The following DPP10 variants were observed in gnomAD, a reference collection of about 807,000 sequenced individuals.
DPP10 encodes the protein dipeptidyl peptidase like 10.
In DPP10, 33 loss-of-function variants were observed where a neutral mutation model predicts 120.9. The observed-to-expected ratio is 0.27, with a 90% CI of 0.21 to 0.37. The LOEUF (loss-of-function observed/expected upper bound fraction) is 0.37, where lower values mean the gene tolerates loss of function less well. DPP10 is among the 10% of genes least tolerant of loss of function. DPP10 has a pLI of 1.00. For missense variants in DPP10, 816 were observed against 942.8 expected, an observed-to-expected ratio of 0.87 and a Z score of 1.76; for synonymous variants, 337 against 326.1, an observed-to-expected ratio of 1.03 and a Z score of -0.36.
At chr2:114,547,669 G>A (rs971264927) in intron 1 of DPP10, among the ~76,000 whole-genome samples, 1 of 152,150 alleles carries the variant, frequency 6.6e-6, no homozygotes, top group Non-Finnish European at 1.5e-5. Flanking sequence ...GTGTGGATGT[G>A]TACTTATGCA....
chr2:115,135,103 C>T (rs1160796985), intron 1 of DPP10, among the ~76,000 whole-genome samples: 1 of 151,914 alleles, frequency 6.6e-6, no homozygotes, highest in African/African-American at 2.4e-5. Context: ...CAGGCAGGTA[C>T]TAAACTGATC....
At chr2:115,348,913 C>T (rs2063849553) in intron 3 of DPP10, among the ~76,000 whole-genome samples, 1 of 152,022 alleles carries the variant, frequency 6.6e-6, no homozygotes, top group Non-Finnish European at 1.5e-5. Flanking sequence ...AATGTGTACC[C>T]ACAATTAAAC....
chr2:114,831,494 A>G (rs1023279644), intron 1 of DPP10, among the ~76,000 whole-genome samples: 2 of 152,176 alleles, frequency 1.3e-5, no homozygotes, highest in Admixed American at 6.5e-5. Flanking sequence ...TTTGTCTTTT[A>G]TGGCAAAGAA....
chr2:115,118,072 AG>A (rs2049616828), intron 1 of DPP10, among the ~76,000 whole-genome samples: 1 of 152,214 alleles, frequency 6.6e-6, no homozygotes, highest in Non-Finnish European at 1.5e-5. Flanking sequence ...CCCTTCTCTG[AG>A]ATGGGTTCCA....
At chr2:114,891,426 A>G (rs911406513) in intron 1 of DPP10, among the ~76,000 whole-genome samples, 3 of 152,232 alleles carry the variant, frequency 2.0e-5, no homozygotes, top group African/African-American at 7.2e-5. Context: ...GATGTGACAT[A>G]CAGGTGTTAA....
chr2:115,672,656 CTT>C (rs1374574890), intron 5 of DPP10, among the ~76,000 whole-genome samples: 2 of 123,726 alleles, frequency 1.6e-5, no homozygotes, highest in South Asian at 2.7e-4. Context: ...CTCTCTCTTT[CTT>C]TCTTTCTTTC....
chr2:114,813,716 ATTT>A lies in DPP10; in HGVS notation c.60+370890_60+370892del, dbSNP rs35714406. ...AGAAGCATTATGTCTATGGAATTAAATTTTTTTTTTTTTTCACTGTACAGTTTT... is the reference window on the plus strand; with the variant it reads ...AGAAGCATTATGTCTATGGAATTAAATTTTTTTTTTTCACTGTACAGTTTT... On this transcript the variant is annotated intron_variant, in intron 1 of 25. Transcript: ENST00000410059. Among the ~76,000 whole-genome samples, 345 of 128,020 alleles carry A rather than the reference ATTT, an allele frequency of 2.7e-3. 1 individual carries two copies. Among genetic ancestry groups the A allele is most frequent in the African/African-American group, 9.3e-3 (320 of 34,256 alleles). The allele number at this position is 128,020 out of a possible 152,430, so 84.0% of individuals were successfully genotyped here. A position where few individuals can be genotyped will look rare whatever the true frequency, so the allele number is the denominator to read the frequency against.
chr2:115,311,261 AACATTGCAGT>A (rs1241348514), intron 2 of DPP10, among the ~76,000 whole-genome samples: 2 of 152,150 alleles, frequency 1.3e-5, no homozygotes, highest in Non-Finnish European at 2.9e-5. Flanking sequence ...ATTTAGTTCC[AACATTGCAGT>A]GTTATTATGG....
intron 1 of DPP10, among the ~76,000 whole-genome samples, chr2:115,189,490 G>C (rs1191966325): frequency 3.3e-5 from 5 of 152,290 alleles, no homozygotes; most frequent in East Asian, 3.9e-4. Flanking sequence ...GAACCAGGAA[G>C]TTAAACTTTA....
intron 1 of DPP10, among the ~76,000 whole-genome samples, chr2:115,082,999 T>G (rs1438939699): frequency 6.6e-6 from 1 of 152,246 alleles, no homozygotes; most frequent in Non-Finnish European, 1.5e-5. Flanking sequence ...TCAGTCCTTA[T>G]CTAATGAGAC....
intron 1 of DPP10, among the ~76,000 whole-genome samples, chr2:115,177,793 T>C (rs2053799819): frequency 7.0e-6 from 1 of 142,308 alleles, no homozygotes; most frequent in Non-Finnish European, 1.6e-5. Context: ...AGACAGAGTC[T>C]TGCTCTGTGG....
chr2:114,873,361 T>A (rs988800029), intron 1 of DPP10, among the ~76,000 whole-genome samples: 2 of 152,154 alleles, frequency 1.3e-5, no homozygotes, highest in African/African-American at 2.4e-5. Context: ...TCAATCCAGG[T>A]TGATGAGTCT....
At chr2:115,578,794 A>G (rs972657584) in intron 5 of DPP10, among the ~76,000 whole-genome samples, 1 of 152,216 alleles carries the variant, frequency 6.6e-6, no homozygotes, top group African/African-American at 2.4e-5. Context: ...ATTTTACTAT[A>G]TTACTTGTCC....
chr2:114,559,582 A>G (rs957456264), intron 1 of DPP10, among the ~76,000 whole-genome samples: 5 of 152,166 alleles, frequency 3.3e-5, no homozygotes, highest in African/African-American at 1.2e-4. Flanking sequence ...TTAGTTCCTC[A>G]CATTGAACCC....
intron 1 of DPP10, chr2:115,161,822 C>A: frequency 2.3e-6 from 2 of 859,772 alleles, no homozygotes; most frequent in Non-Finnish European, 1.6e-6. Context: ...CTCCCCGCCC[C>A]TCCGCTCCCC....
At chr2:114,642,426 C>A (rs1695778920) in intron 1 of DPP10, among the ~76,000 whole-genome samples, 1 of 151,890 alleles carries the variant, frequency 6.6e-6, no homozygotes, top group South Asian at 2.1e-4. Context: ...GAGTGCACTA[C>A]CCCCAATGAG....
At chr2:114,697,372 G>T (rs1192865055) in intron 1 of DPP10, among the ~76,000 whole-genome samples, 1 of 152,048 alleles carries the variant, frequency 6.6e-6, no homozygotes, top group African/African-American at 2.4e-5. Flanking sequence ...AGTAGACATA[G>T]AATGCTCTAA....
chr2:115,053,606 A>G (rs1705676545), intron 1 of DPP10, among the ~76,000 whole-genome samples: 1 of 152,226 alleles, frequency 6.6e-6, no homozygotes, highest in South Asian at 2.1e-4. Context: ...AAATCGTTAA[A>G]ATGGTAAATT....
chr2:114,559,891 C>CAAAAAAAAAAAAAAAAAAAAAAAAGA (rs60833358), intron 1 of DPP10, among the ~76,000 whole-genome samples: 2 of 65,952 alleles, frequency 3.0e-5, no homozygotes, highest in African/African-American at 9.7e-5. Flanking sequence ...AGAAAAAAAG[C>CAAAAAAAAAAAAAAAAAAAAAAAAGA]AAAAAAAAAA....
Sources: allele counts gnomAD v4.1 joint callset (sites outside exome capture counted in the v4.1 genomes callset), GRCh38; gene constraint gnomAD v4.1.1; transcripts MANE v1.5; gene names NCBI Gene and HGNC (gene_info 2026-07-23, HGNC 2026-07-21).